The following OXCT1 variants were observed in gnomAD, a reference collection of about 807,000 sequenced individuals.
The protein encoded by OXCT1 is 3-oxoacid CoA-transferase 1.
A neutral mutation model predicts 69.6 loss-of-function variants in OXCT1; 27 were observed. The ratio of observed to expected loss-of-function variants is 0.39; its 90% CI spans 0.29 to 0.54. The LOEUF (loss-of-function observed/expected upper bound fraction) is 0.54, where lower values mean the gene tolerates loss of function less well. Ranked by LOEUF, OXCT1 falls within the 20% of genes least tolerant of loss-of-function variation. The probability of loss-of-function intolerance (pLI) is 0.72; values close to 1 mark genes in which losing one functional copy is unlikely to be tolerated. For missense variants in OXCT1, 437 were observed against 650.2 expected, an observed-to-expected ratio of 0.67 and a Z score of 3.57; for synonymous variants, 202 against 217.8, an observed-to-expected ratio of 0.93 and a Z score of 0.64.
intron 7 of OXCT1, among the ~76,000 whole-genome samples, chr5:41,814,925 G>A (rs1373023709): frequency 2.6e-5 from 4 of 152,012 alleles, no homozygotes; most frequent in African/African-American, 9.7e-5. Flanking sequence ...TCTGTTTGCT[G>A]TCCAGCCTCA....
At chr5:41,745,245 A>G (rs1203465634) in intron 15 of OXCT1, among the ~76,000 whole-genome samples, 1 of 152,120 alleles carries the variant, frequency 6.6e-6, no homozygotes, top group African/African-American at 2.4e-5. Flanking sequence ...GGATTAAGAA[A>G]CTCACTCAAA....
intron 3 of OXCT1, among the ~76,000 whole-genome samples, chr5:41,854,069 T>A (rs1265698296): frequency 6.6e-6 from 1 of 152,132 alleles, no homozygotes; most frequent in Non-Finnish European, 1.5e-5. Context: ...AAAGAGAGAT[T>A]AACATGCTCA....
intron 6 of OXCT1, 118 bp from the exon 7 acceptor site, chr5:41,840,629 C>A: frequency 1.5e-6 from 1 of 653,996 alleles, no homozygotes; most frequent in South Asian, 2.0e-5. Flanking sequence ...AGAATCTTTC[C>A]AAAAAGAGTG....
intron 15 of OXCT1, among the ~76,000 whole-genome samples, chr5:41,744,634 G>A (rs372853234): frequency 5.0e-4 from 76 of 152,152 alleles, no homozygotes; most frequent in Admixed American, 1.6e-3. Flanking sequence ...TTTGAGATAC[G>A]TCCCATCAAT....
At chr5:41,822,166 G>A (rs978728040) in intron 7 of OXCT1, among the ~76,000 whole-genome samples, 4 of 152,098 alleles carry the variant, frequency 2.6e-5, no homozygotes, top group African/African-American at 9.7e-5. Context: ...AACTGCAGGA[G>A]GAACAAAGAG....
At chr5:41,775,993 CTAGTAATTTTATA>C (rs1265208136) in intron 13 of OXCT1, among the ~76,000 whole-genome samples, 1 of 151,926 alleles carries the variant, frequency 6.6e-6, no homozygotes, top group Non-Finnish European at 1.5e-5. Flanking sequence ...AAGGGAAAAA[CTAGTAATTTTATA>C]TAGTGAGCAA....
At chr5:41,780,821 A>C (rs1745360324) in intron 13 of OXCT1, among the ~76,000 whole-genome samples, 1 of 152,206 alleles carries the variant, frequency 6.6e-6, no homozygotes, top group Non-Finnish European at 1.5e-5. Context: ...GGATGACTTA[A>C]CTAATGCAAA....
chr5:41,799,046 A>C (rs1746308296), intron 11 of OXCT1, among the ~76,000 whole-genome samples: 1 of 152,214 alleles, frequency 6.6e-6, no homozygotes, highest in Admixed American at 6.5e-5. Context: ...TAAGCCATGT[A>C]AAACTATACA....
At chr5:41,753,312 C>G (rs1476791820) in intron 14 of OXCT1, among the ~76,000 whole-genome samples, 1 of 64,038 alleles carries the variant, frequency 1.6e-5, no homozygotes, top group African/African-American at 1.4e-4. Context: ...CACACATAGA[C>G]ACACACACAC....
At chr5:41,745,689 T>C (rs1192414468) in intron 15 of OXCT1, among the ~76,000 whole-genome samples, 1 of 151,940 alleles carries the variant, frequency 6.6e-6, no homozygotes, top group East Asian at 1.9e-4. Flanking sequence ...AAGAATCAAA[T>C]AGACGCAATA....
At chr5:41,869,005 C>G (rs1308251292) in intron 1 of OXCT1, among the ~76,000 whole-genome samples, 2 of 152,208 alleles carry the variant, frequency 1.3e-5, no homozygotes, top group Non-Finnish European at 2.9e-5. Flanking sequence ...ACGTTCCTGA[C>G]CTCGGCCCAA....
At chr5:41,844,860 T>C (rs1748816022) in intron 5 of OXCT1, among the ~76,000 whole-genome samples, 1 of 151,146 alleles carries the variant, frequency 6.6e-6, no homozygotes, top group Non-Finnish European at 1.5e-5. Context: ...ACCACCTTGG[T>C]CTAGCCACCT....
rs79539536 is a variant in OXCT1, at chr5:41,756,810, T to C, written c.1338+5301A>G. ...TTTGAGTCTGAGTGAAGTGAGGCAG[T>C]GAGCCATGTGGATAGCTAGGAAAAA... On this transcript the variant is annotated intron_variant, in intron 14 of 16. Coordinates refer to ENST00000196371, the MANE Select transcript of OXCT1 (RefSeq NM_000436.4). Among the ~76,000 whole-genome samples, 36 of 152,186 alleles carry C rather than the reference T, an allele frequency of 2.4e-4. 1 individual carries two copies. In the East Asian group the frequency reaches 6.4e-3, roughly 27 times the overall value.
At chr5:41,732,745 TAA>T (rs1458958501) in intron 16 of OXCT1, among the ~76,000 whole-genome samples, 2 of 152,302 alleles carry the variant, frequency 1.3e-5, no homozygotes, top group East Asian at 3.9e-4. Flanking sequence ...GATAATTATA[TAA>T]GTTTCAAAGA....
At chr5:41,860,333 G>T (rs1189130842) in intron 3 of OXCT1, among the ~76,000 whole-genome samples, 3 of 152,174 alleles carry the variant, frequency 2.0e-5, no homozygotes, top group Non-Finnish European at 4.4e-5. Context: ...TCAAAGATAA[G>T]TAAAATTCAG....
At chr5:41,830,314 T>C (rs1340533482) in intron 7 of OXCT1, among the ~76,000 whole-genome samples, 2 of 152,312 alleles carry the variant, frequency 1.3e-5, no homozygotes, top group South Asian at 2.1e-4. Flanking sequence ...GGAAGGTATT[T>C]CTTTTTTCCA....
rs140073142 is a variant in OXCT1 at position 41,743,912 on chromosome 5, C to A, written c.1420-4421G>T. The stretch of plus-strand genomic sequence containing the variant: ...GTAGTATAGTTTGAAGTCAGGTAGC[C>A]TGATGCCTCCAGCTTTGTTCTTTTA... On this transcript the variant is annotated intron_variant, in intron 15 of 16. Coordinates refer to ENST00000196371, the MANE Select transcript of OXCT1 (RefSeq NM_000436.4). Among the ~76,000 whole-genome samples the A allele has an allele frequency of 3.9e-3, 596 of 151,532 alleles. 8 individuals are homozygous for A. Among genetic ancestry groups the A allele is most frequent in the African/African-American group, 0.014 (574 of 40,946 alleles).
chr5:41,866,538 A>G (rs1046790518), intron 1 of OXCT1, among the ~76,000 whole-genome samples: 11 of 152,220 alleles, frequency 7.2e-5, no homozygotes, highest in African/African-American at 2.4e-4. Flanking sequence ...ATGTGAGTGG[A>G]TACACTCACA....
intron 1 of OXCT1, among the ~76,000 whole-genome samples, chr5:41,865,945 T>C (rs1021810639): frequency 6.6e-6 from 1 of 151,336 alleles, no homozygotes. Flanking sequence ...ATTTTAATTG[T>C]ATATAAATGT....
Sources: allele counts gnomAD v4.1 joint callset (sites outside exome capture counted in the v4.1 genomes callset), GRCh38; gene constraint gnomAD v4.1.1; transcripts MANE v1.5; gene names NCBI Gene and HGNC (gene_info 2026-07-23, HGNC 2026-07-21).